The following SGCZ variants were observed in gnomAD, a reference collection of about 807,000 sequenced individuals.
The protein encoded by SGCZ is sarcoglycan zeta.
A neutral mutation model predicts 41.3 loss-of-function variants in SGCZ; 40 were observed. That is an observed-to-expected ratio of 0.97 (90% CI 0.75 to 1.26). The LOEUF is 1.26. SGCZ is among the 50% of genes most tolerant of loss of function. SGCZ has a pLI of 0.00. For synonymous variants in SGCZ, 206 were observed against 137.5 expected (o/e 1.50, Z -3.49); for missense variants, 552 against 369.8 (o/e 1.49, Z -4.04).
intron 1 of SGCZ, among the ~76,000 whole-genome samples, chr8:14,955,838 A>G (rs937946722): frequency 3.8e-4 from 58 of 152,120 alleles, no homozygotes; most frequent in African/African-American, 1.4e-3. Context: ...GCCCACTTCT[A>G]CTTTATGAGT....
At chr8:14,179,594 G>T (rs1173938236) in intron 4 of SGCZ, among the ~76,000 whole-genome samples, 5 of 152,100 alleles carry the variant, frequency 3.3e-5, no homozygotes, top group Admixed American at 2.6e-4. Flanking sequence ...TACAAATCAG[G>T]AGACTGCTCT....
At chr8:15,067,150 T>C (rs1805181636) in intron 1 of SGCZ, among the ~76,000 whole-genome samples, 1 of 152,188 alleles carries the variant, frequency 6.6e-6, no homozygotes, top group African/African-American at 2.4e-5. Context: ...ATTTCCAATT[T>C]TGTATAATCT....
chr8:15,004,517 C>G (rs889349735), intron 1 of SGCZ, among the ~76,000 whole-genome samples: 2 of 152,288 alleles, frequency 1.3e-5, no homozygotes, highest in South Asian at 2.1e-4. Flanking sequence ...AAGAAAAAAT[C>G]TGACATCATA....
chr8:14,742,357 T>C (rs1327301822), intron 1 of SGCZ, among the ~76,000 whole-genome samples: 1 of 151,996 alleles, frequency 6.6e-6, no homozygotes, highest in Admixed American at 6.6e-5. Flanking sequence ...TTTTGTAAAA[T>C]TAACAACTTT....
At position 14,475,658 on chromosome 8, in the gene SGCZ, T is replaced by G. The variant is rs561471981; in HGVS notation, c.234+79074A>C. 7.2e-5 allele frequency among the ~76,000 whole-genome samples: 11 copies of G among 152,314 alleles called. No homozygotes were observed. The East Asian group carries it at 2.1e-3, about 29-fold the overall frequency. ...AGATAAAACCAAATTTCTATCCAAATCTTTCAGAATCTTTTAATGAGGGTC... is the reference window on the plus strand; with the variant it reads ...AGATAAAACCAAATTTCTATCCAAAGCTTTCAGAATCTTTTAATGAGGGTC... On this transcript the variant is annotated intron_variant, in intron 2 of 7. Coordinates refer to ENST00000382080, the MANE Select transcript of SGCZ (RefSeq NM_139167.4).
intron 2 of SGCZ, among the ~76,000 whole-genome samples, chr8:14,423,079 A>G (rs1226036091): frequency 1.3e-5 from 2 of 151,648 alleles, no homozygotes; most frequent in Non-Finnish European, 2.9e-5. Context: ...TTTTGAACCC[A>G]TGAGTGTTCA....
intron 1 of SGCZ, among the ~76,000 whole-genome samples, chr8:14,788,696 G>A (rs990578796): frequency 5.3e-5 from 8 of 152,148 alleles, no homozygotes; most frequent in Admixed American, 3.9e-4. Context: ...CAACAATTAT[G>A]TTCTATGAAA....
chr8:14,712,662 G>T (rs1457960125), intron 1 of SGCZ, among the ~76,000 whole-genome samples: 4 of 152,072 alleles, frequency 2.6e-5, no homozygotes, highest in East Asian at 3.9e-4. Flanking sequence ...ACTTAGCATG[G>T]GGGCCTTTGA....
intron 5 of SGCZ, among the ~76,000 whole-genome samples, chr8:14,141,866 C>T (rs1005291195): frequency 3.9e-5 from 6 of 152,114 alleles, no homozygotes; most frequent in Admixed American, 1.3e-4. Flanking sequence ...CACATGCACA[C>T]GTATGTTTAT....
intron 1 of SGCZ, among the ~76,000 whole-genome samples, chr8:15,164,619 A>C (rs1253606624): frequency 1.4e-5 from 2 of 147,130 alleles, no homozygotes; most frequent in Non-Finnish European, 1.5e-5. Flanking sequence ...CCACCCCATC[A>C]GCAGTTAAGT....
At chr8:14,179,143 T>C (rs1804641741) in intron 4 of SGCZ, among the ~76,000 whole-genome samples, 1 of 152,140 alleles carries the variant, frequency 6.6e-6, no homozygotes, top group Non-Finnish European at 1.5e-5. Context: ...AATCCAGAAA[T>C]TATGTAAGAT....
At chr8:14,525,868 A>G (rs923477388) in intron 2 of SGCZ, among the ~76,000 whole-genome samples, 41 of 152,130 alleles carry the variant, frequency 2.7e-4, no homozygotes, top group African/African-American at 9.4e-4. Context: ...CTGGGGCATC[A>G]TTATTCACAG....
chr8:15,142,113 C>T (rs2116999225), intron 1 of SGCZ, among the ~76,000 whole-genome samples: 1 of 152,202 alleles, frequency 6.6e-6, no homozygotes, highest in South Asian at 2.1e-4. Flanking sequence ...AGTTGAGCAT[C>T]CCACTGAAAT....
chr8:14,371,644 C>G (rs11990924), intron 2 of SGCZ, among the ~76,000 whole-genome samples: 55,923 of 151,858 alleles, frequency 0.37, 11,360 homozygotes, highest in African/African-American at 0.55. Flanking sequence ...GACCCTGGCC[C>G]TATTAATTAA....
At chr8:14,093,376 C>T (rs893352993) in intron 7 of SGCZ, among the ~76,000 whole-genome samples, 2 of 152,028 alleles carry the variant, frequency 1.3e-5, no homozygotes, top group African/African-American at 4.8e-5. Flanking sequence ...TGATGTCATC[C>T]CCCACACTTC....
intron 1 of SGCZ, among the ~76,000 whole-genome samples, chr8:14,915,114 G>T (rs1563360213): frequency 6.6e-6 from 1 of 152,124 alleles, no homozygotes; most frequent in East Asian, 1.9e-4. Context: ...CATGAAGACA[G>T]TTCAGAGATT....
At chr8:15,140,951 C>A (rs1197184753) in intron 1 of SGCZ, among the ~76,000 whole-genome samples, 1 of 152,150 alleles carries the variant, frequency 6.6e-6, no homozygotes, top group South Asian at 2.1e-4. Flanking sequence ...TAATGAGGAA[C>A]TATTATATGT....
chr8:14,716,080 C>T (rs1353314524), intron 1 of SGCZ, among the ~76,000 whole-genome samples: 3 of 152,008 alleles, frequency 2.0e-5, no homozygotes, highest in Admixed American at 6.6e-5. Context: ...GATAGCAAAA[C>T]TTAAACAAGG....
intron 3 of SGCZ, among the ~76,000 whole-genome samples, chr8:14,273,815 C>G (rs983929024): frequency 6.6e-6 from 1 of 152,076 alleles, no homozygotes; most frequent in Non-Finnish European, 1.5e-5. Flanking sequence ...AGATGCACAA[C>G]AAAATATTTT....
Sources: allele counts gnomAD v4.1 joint callset (sites outside exome capture counted in the v4.1 genomes callset), GRCh38; gene constraint gnomAD v4.1.1; transcripts MANE v1.5; gene names NCBI Gene and HGNC (gene_info 2026-07-23, HGNC 2026-07-21).